Variants in GLUL observed in about 807,000 individuals in gnomAD.
GLUL encodes glutamine synthetase.
In GLUL, 8 loss-of-function variants were observed where a neutral mutation model predicts 36.9. The observed-to-expected ratio is 0.22, with a 90% CI of 0.13 to 0.39. The LOEUF (loss-of-function observed/expected upper bound fraction) is 0.39, where lower values mean the gene tolerates loss of function less well. Ranked by LOEUF, GLUL falls within the 10% of genes least tolerant of loss-of-function variation. The pLI, the probability that GLUL is intolerant of heterozygous loss-of-function variation, is 1.00. For synonymous variants in GLUL, 182 were observed against 172.8 expected (o/e 1.05, Z -0.42); for missense variants, 315 against 501.8 (o/e 0.63, Z 3.56).
At chr1:182,387,070 C>T in intron 3 of GLUL, 61 bp downstream of exon 3, 1 of 1,284,778 alleles carries the variant, frequency 7.8e-7, no homozygotes, top group Non-Finnish European at 1.1e-6. Context: ...AATGTCTTCT[C>T]CCTCCCCTTC....
intron 1 of GLUL, chr1:182,390,634 A>C (rs1458219362): frequency 2.5e-6 from 1 of 399,260 alleles, no homozygotes; most frequent in Non-Finnish European, 4.4e-6. Flanking sequence ...AGGGCGATGG[A>C]GAAGGGGACA....
At position 182,384,741 on chromosome 1, in the gene GLUL, G is replaced by C. The variant is rs1558157786; in HGVS notation, c.804-18C>G. 2 of 1,599,534 alleles carry C rather than the reference G, an allele frequency of 1.3e-6. No homozygotes were observed. Among genetic ancestry groups the C allele is most frequent in the Non-Finnish European group, 1.7e-6 (2 of 1,166,814 alleles). The stretch of plus-strand genomic sequence containing the variant: ...CGATGTACCTAGAGTAAACAGAAAA[G>C]ATGGCAGTCCAACCTTGTCTCCAGG... On this transcript the variant is annotated intron_variant, in intron 6 of 6. Coordinates refer to ENST00000331872, the MANE Select transcript of GLUL (RefSeq NM_001033044.4).
rs1200451250 is a variant in GLUL at position 182,381,289 on chromosome 1, C to T, written c.*3116G>A. On this transcript the variant is annotated 3_prime_UTR_variant, in exon 7 of 7. Coordinates refer to ENST00000331872, the MANE Select transcript of GLUL (RefSeq NM_001033044.4). ...CTCAAAAACAACAAAAGGCCCTAGA[C>T]AACACCCATCCATGGAATTCTTTCA... Among the ~76,000 whole-genome samples the T allele has an allele frequency of 2.0e-5, 3 of 152,108 alleles. No homozygotes were observed. Among genetic ancestry groups the T allele is most frequent in the Non-Finnish European group, 4.4e-5 (3 of 68,016 alleles).
At position 182,384,548 on chromosome 1, in the gene GLUL, G is replaced by T. The variant is rs780489108; in HGVS notation, c.979C>A (p.Arg327=). Residue 327 remains arginine (R), a synonymous_variant, in exon 7 of 7, where the codon CGG becomes AGG. Coordinates refer to ENST00000331872, the MANE Select transcript of GLUL (RefSeq NM_001033044.4). ...CCCTTCTTCTCCTGGCCAACAGTCC[G>T]GGGAATGCGTATGCTGGCGCTACGA... ...ANRSASIRIP[R]TVGQEKKGYF... is the part of the protein sequence containing the mutation. The T allele has an allele frequency of 5.0e-6, 8 of 1,614,162 alleles. No individual in the cohort carries two copies. In the South Asian group the frequency reaches 8.8e-5, roughly 18 times the overall value.
rs923784909 is a variant in GLUL, at chr1:182,378,950, T to C, written c.*5455A>G. Among the ~76,000 whole-genome samples the C allele has an allele frequency of 6.6e-6, 1 of 151,486 alleles. No individual in the cohort carries two copies. The highest frequency in any genetic ancestry group is 1.5e-5 in the Non-Finnish European group (1 of 67,896). ...GTGCTCACCACCAAGCCCGGCTAAT[T>C]TTTGTATTTTTAGTAGAGATGGGGT... On this transcript the variant is annotated 3_prime_UTR_variant, in exon 7 of 7. Transcript: ENST00000331872.
At position 182,384,441 on chromosome 1, in the gene GLUL, A is replaced by G. The variant is rs747890952; in HGVS notation, c.1086T>C (p.Asn362=). Reference sequence around the variant, plus strand: ...ACTGGAAGGGCTCATCGCCGGTTTCATTGAGAAGACACGTGCGGATGAGGG... The same window carrying G: ...ACTGGAAGGGCTCATCGCCGGTTTCGTTGAGAAGACACGTGCGGATGAGGG... ...TEALIRTCLL[N]ETGDEPFQYK... The change falls in exon 7 of 7, where the codon AAT becomes AAC. Residue 362 remains asparagine (N), a synonymous_variant. Transcript: ENST00000331872. 1 of 1,613,846 alleles carries G rather than the reference A, an allele frequency of 6.2e-7. No individual in the cohort carries two copies. Among genetic ancestry groups the G allele is most frequent in the Non-Finnish European group, 8.5e-7 (1 of 1,179,752 alleles).
rs758742016 is a variant in GLUL at position 182,384,740 on chromosome 1, A to C, written c.804-17T>G. 6.2e-7 allele frequency: 1 copy of C among 1,602,068 alleles called. No homozygotes were observed. The highest frequency in any genetic ancestry group is 1.1e-5 in the South Asian group (1 of 90,852). Reference sequence around the variant, plus strand: ...TCGATGTACCTAGAGTAAACAGAAAAGATGGCAGTCCAACCTTGTCTCCAG... The same window carrying C: ...TCGATGTACCTAGAGTAAACAGAAACGATGGCAGTCCAACCTTGTCTCCAG... On this transcript the variant is annotated splice_polypyrimidine_tract_variant and intron_variant, in intron 6 of 6. Transcript: ENST00000331872.
In GLUL at chr1:182,384,205, G is replaced by C; in HGVS notation, c.*200C>G. The stretch of plus-strand genomic sequence containing the variant: ...GCTTCAGTGATAGGGAAAAAAAGGA[G>C]GGTAGGTGTGAAGAAATTAATAACT... On this transcript the variant is annotated 3_prime_UTR_variant, in exon 7 of 7. Coordinates refer to ENST00000331872, the MANE Select transcript of GLUL (RefSeq NM_001033044.4). 1.7e-6 allele frequency: 1 copy of C among 595,180 alleles called. No homozygotes were observed. Among genetic ancestry groups the C allele is most frequent in the South Asian group, 1.9e-5 (1 of 51,742 alleles). 36.9% of individuals were successfully genotyped at this position (595,180 alleles called of 1,614,324 possible).
At chr1:182,385,966 G>A in intron 4 of GLUL, 79 bp from the exon 5 acceptor site, 1 of 1,427,396 alleles carries the variant, frequency 7.0e-7, no homozygotes, top group African/African-American at 1.4e-5. Flanking sequence ...AGGCCCTTAA[G>A]CCTTGCCCTC....
chr1:182,381,252 G>A lies in GLUL; in HGVS notation c.*3153C>T, dbSNP rs183397598. The stretch of plus-strand genomic sequence containing the variant: ...ACACTATACTCCAGCCTGGGTGAGA[G>A]TCAGACCCCGTCTCAAAAACAACAA... On this transcript the variant is annotated 3_prime_UTR_variant, in exon 7 of 7. Coordinates refer to ENST00000331872, the MANE Select transcript of GLUL (RefSeq NM_001033044.4). Among the ~76,000 whole-genome samples, 334 of 152,246 alleles carry A rather than the reference G, an allele frequency of 2.2e-3. 3 individuals are homozygous for A. The highest frequency in any genetic ancestry group is 0.013 in the East Asian group (66 of 5,190).
chr1:182,388,429 T>C (rs1650268818), intron 2 of GLUL, 143 bp downstream of exon 2: 3 of 743,806 alleles, frequency 4.0e-6, no homozygotes, highest in Non-Finnish European at 2.4e-6. Flanking sequence ...TAATGTTGAC[T>C]GAATAAAGTC....
intron 4 of GLUL, 116 bp downstream of exon 4, chr1:182,386,140 C>T: frequency 9.2e-7 from 1 of 1,090,822 alleles, no homozygotes; most frequent in South Asian, 1.2e-5. Flanking sequence ...GGCTGTTTCG[C>T]CTTTACTGTA....
Position 182,384,585 on chromosome 1 carries a change from A to G in GLUL, c.942T>C (p.Ala314=), listed in dbSNP as rs752734418. Residue 314 remains alanine, a synonymous_variant, in exon 7 of 7, where the codon GCT becomes GCC. Coordinates refer to ENST00000331872, the MANE Select transcript of GLUL (RefSeq NM_001033044.4). ...TGCTGGCGCTACGATTGGCTACACC[A>G]GCAGAAAAGTCGTTGATGTTGGAGG... The part of the protein sequence containing the change: ...HETSNINDFS[A]GVANRSASIR... The G allele has an allele frequency of 2.5e-6, 4 of 1,614,088 alleles. No homozygotes were observed. Among genetic ancestry groups the G allele is most frequent in the Admixed American group, 1.7e-5 (1 of 59,996 alleles).
In GLUL at chr1:182,386,758, G is replaced by A. The variant is rs1324545082; in HGVS notation, c.329-356C>T. 1.3e-5 allele frequency: 6 copies of A among 451,508 alleles called. No homozygotes were observed. In the Admixed American group the frequency reaches 2.1e-4, roughly 16 times the overall value. 28.0% of individuals were successfully genotyped at this position (451,508 alleles called of 1,614,324 possible). A position where few individuals can be genotyped will look rare whatever the true frequency, so the allele number is the denominator to read the frequency against. On this transcript the variant is annotated intron_variant, in intron 3 of 6. Coordinates refer to ENST00000331872, the MANE Select transcript of GLUL (RefSeq NM_001033044.4). ...TCTATTCACAAGACAGCTGCTTCTG[G>A]TTGTCAGATTTATTCTTCATTTCTC...
intron 1 of GLUL, 95 bp from the exon 2 acceptor site, chr1:182,388,845 A>G: frequency 3.2e-6 from 3 of 923,090 alleles, no homozygotes; most frequent in South Asian, 2.6e-5. Context: ...CAAAAGTCAG[A>G]GTGTAAGTGC....
chr1:182,384,130 G>A lies in GLUL; in HGVS notation c.*275C>T. The A allele has an allele frequency of 2.3e-6, 1 of 444,266 alleles. No homozygotes were observed. The highest frequency in any genetic ancestry group is 2.1e-5 in the South Asian group (1 of 47,350). The allele number at this position is 444,266 out of a possible 1,614,324, so 27.5% of individuals were successfully genotyped here. A position where few individuals can be genotyped will look rare whatever the true frequency, so the allele number is the denominator to read the frequency against. On this transcript the variant is annotated 3_prime_UTR_variant, in exon 7 of 7. Coordinates refer to ENST00000331872, the MANE Select transcript of GLUL (RefSeq NM_001033044.4). The stretch of plus-strand genomic sequence containing the variant: ...TTGGACAGGTGCACCCCATTAAATG[G>A]AAGCAGTGGTTATGTCTCCCCACCC...
Position 182,384,267 on chromosome 1 carries a change from T to C in GLUL, c.*138A>G. On this transcript the variant is annotated 3_prime_UTR_variant, in exon 7 of 7. Transcript: ENST00000331872. ...TCCCAGCCAAACAAAGAAAGCAAGA[T>C]TAACTGGGCACATGGAATGAAAAAA... 1 of 719,238 alleles carries C rather than the reference T, an allele frequency of 1.4e-6. No homozygotes were observed. Among genetic ancestry groups the C allele is most frequent in the Non-Finnish European group, 2.5e-6 (1 of 393,546 alleles). 44.6% of individuals were successfully genotyped at this position (719,238 alleles called of 1,614,324 possible). A position where few individuals can be genotyped will look rare whatever the true frequency, so the allele number is the denominator to read the frequency against.
Position 182,385,680 on chromosome 1 carries a change from TG to T in GLUL, c.603+79del. 24 of 1,572,774 alleles carry T rather than the reference TG, an allele frequency of 1.5e-5. 1 individual carries two copies. The highest frequency in any genetic ancestry group is 7.8e-5 in the South Asian group (7 of 90,240). Reference sequence around the variant, plus strand: ...TCTTAGGTTTTGGGTTAGTGAGTGGTGTATCAGCAGCCCTTACTAGCAAAAG... The same window carrying T: ...TCTTAGGTTTTGGGTTAGTGAGTGGTTATCAGCAGCCCTTACTAGCAAAAG... On this transcript the variant is annotated intron_variant, in intron 5 of 6. Transcript: ENST00000331872.
rs1650064007 is a variant in GLUL, at chr1:182,384,210, G to C, written c.*195C>G. 4 of 605,494 alleles carry C rather than the reference G, an allele frequency of 6.6e-6. No homozygotes were observed. In the South Asian group the frequency reaches 7.6e-5, roughly 11 times the overall value. 37.5% of individuals were successfully genotyped at this position (605,494 alleles called of 1,614,324 possible). A position where few individuals can be genotyped will look rare whatever the true frequency, so the allele number is the denominator to read the frequency against. On this transcript the variant is annotated 3_prime_UTR_variant, in exon 7 of 7. Transcript: ENST00000331872. ...AGTGATAGGGAAAAAAAGGAGGGTA[G>C]GTGTGAAGAAATTAATAACTTGACC...
Sources: allele counts gnomAD v4.1 joint callset (sites outside exome capture counted in the v4.1 genomes callset), GRCh38; gene constraint gnomAD v4.1.1; transcripts MANE v1.5; gene names NCBI Gene and HGNC (gene_info 2026-07-23, HGNC 2026-07-21).